DYM: variants seen among roughly 807,000 people sequenced by gnomAD.
The protein encoded by DYM is dyggve-Melchior-Clausen syndrome protein.
Under a neutral mutation model 93.1 loss-of-function variants are expected in DYM, and 78 were observed. That is an observed-to-expected ratio of 0.84 (90% CI 0.70 to 1.01). The LOEUF is 1.01. Among genes scored for constraint, DYM ranks in the 50% least tolerant of loss-of-function variants. The probability of loss-of-function intolerance (pLI) is 0.00; values close to 1 mark genes in which losing one functional copy is unlikely to be tolerated. For synonymous variants in DYM, 321 were observed against 319.7 expected (o/e 1.00, Z -0.04); for missense variants, 789 against 845.0 (o/e 0.93, Z 0.82).
intron 15 of DYM, among the ~76,000 whole-genome samples, chr18:49,140,070 A>G (rs1165327779): frequency 1.3e-5 from 2 of 152,222 alleles, no homozygotes; most frequent in African/African-American, 4.8e-5. Context: ...TTCAAAAAAT[A>G]AATGACTTGA....
At chr18:49,185,721 C>A (rs1194925669) in intron 14 of DYM, among the ~76,000 whole-genome samples, 1 of 152,160 alleles carries the variant, frequency 6.6e-6, no homozygotes, top group African/African-American at 2.4e-5. Context: ...TTTGCGTGTA[C>A]ACATGGCCTC....
intron 14 of DYM, among the ~76,000 whole-genome samples, chr18:49,169,952 A>G (rs890011675): frequency 2.0e-5 from 3 of 152,166 alleles, no homozygotes; most frequent in African/African-American, 7.2e-5. Context: ...GACAGCATGG[A>G]GCGGGAAAGA....
intron 8 of DYM, among the ~76,000 whole-genome samples, chr18:49,302,765 G>A (rs1325120408): frequency 6.7e-6 from 1 of 150,144 alleles, no homozygotes; most frequent in East Asian, 2.2e-4. Flanking sequence ...AAGGAGTTAA[G>A]TCCCTTACTC....
intron 17 of DYM, among the ~76,000 whole-genome samples, chr18:49,067,209 A>ATT (rs2076482558): frequency 1.5e-4 from 1 of 6,610 alleles, no homozygotes; most frequent in African/African-American, 5.1e-4. Flanking sequence ...GGGTGATGTG[A>ATT]GCACTATGCA....
At chr18:49,217,978 A>G (rs2143895155) in intron 13 of DYM, among the ~76,000 whole-genome samples, 1 of 152,304 alleles carries the variant, frequency 6.6e-6, no homozygotes, top group Admixed American at 6.5e-5. Flanking sequence ...TAAACGGTCA[A>G]GACCCATCAG....
chr18:49,216,530 C>T (rs2093056339), intron 13 of DYM, among the ~76,000 whole-genome samples: 3 of 152,152 alleles, frequency 2.0e-5, no homozygotes, highest in African/African-American at 4.8e-5. Context: ...ACATCTCACA[C>T]GGCCGGGTAC....
At chr18:49,448,818 C>T (rs1242506060) in intron 1 of DYM, among the ~76,000 whole-genome samples, 1 of 152,216 alleles carries the variant, frequency 6.6e-6, no homozygotes, top group Admixed American at 6.5e-5. Context: ...AAAAGCAGCT[C>T]ATTTTCTTTT....
At chr18:49,382,941 T>C (rs1220710912) in intron 3 of DYM, among the ~76,000 whole-genome samples, 2 of 152,138 alleles carry the variant, frequency 1.3e-5, no homozygotes, top group African/African-American at 4.8e-5. Flanking sequence ...AAACAAACTT[T>C]TCTAAGATCT....
At chr18:49,215,835 G>A (rs1413098014) in intron 13 of DYM, among the ~76,000 whole-genome samples, 1 of 152,232 alleles carries the variant, frequency 6.6e-6, no homozygotes, top group Non-Finnish European at 1.5e-5. Flanking sequence ...CAGAAGACGG[G>A]TGATTTCTGC....
chr18:49,362,814 C>T (rs2066152669), intron 6 of DYM, among the ~76,000 whole-genome samples: 1 of 152,194 alleles, frequency 6.6e-6, no homozygotes, highest in Non-Finnish European at 1.5e-5. Context: ...ATAAGGAGAA[C>T]TCAACTCACT....
chr18:49,201,889 T>C (rs1243269935), intron 14 of DYM, among the ~76,000 whole-genome samples: 1 of 152,228 alleles, frequency 6.6e-6, no homozygotes, highest in Admixed American at 6.5e-5. Context: ...TTTTTCCCAA[T>C]GGTATTATTT....
chr18:49,097,500 T>C lies in DYM; in HGVS notation c.1927A>G (p.Ser643Gly), dbSNP rs368200347. ...QNIDLVISFF[S>G]SRLLQAGAEL... ...GCTCCAGCTTGCAGCAACCTTGAGCTAAAGAAGGAGATCACCTGTAATGTA... is the reference window on the plus strand; with the variant it reads ...GCTCCAGCTTGCAGCAACCTTGAGCCAAAGAAGGAGATCACCTGTAATGTA... The change falls in exon 17 of 18, where the codon AGC (serine) becomes GGC (glycine). Residue 643 changes from serine to glycine, a missense_variant. Ser to Gly is a moderately conservative substitution (Grantham distance 56). Around this residue, in one of 3 missense-constraint regions of DYM, gnomAD observed 114 missense variants for 105.8 expected, o/e 1.08. Coordinates refer to ENST00000675505, the MANE Select transcript of DYM (RefSeq NM_001353214.3). 1.2e-6 allele frequency: 2 copies of C among 1,613,966 alleles called. No individual in the cohort carries two copies. The highest frequency in any genetic ancestry group is 2.7e-5 in the African/African-American group (2 of 75,040).
At chr18:49,184,341 C>A (rs1251038780) in intron 14 of DYM, among the ~76,000 whole-genome samples, 1 of 151,884 alleles carries the variant, frequency 6.6e-6, no homozygotes, top group Non-Finnish European at 1.5e-5. Flanking sequence ...ACAACTCACT[C>A]CCAACTAAGA....
chr18:49,158,046 A>G (rs1302960214), intron 15 of DYM, among the ~76,000 whole-genome samples: 1 of 152,178 alleles, frequency 6.6e-6, no homozygotes, highest in Non-Finnish European at 1.5e-5. Context: ...TTTCACTTTC[A>G]TGCCCTCTTT....
intron 6 of DYM, among the ~76,000 whole-genome samples, chr18:49,352,636 CAT>C (rs1279592472): frequency 2.0e-5 from 3 of 152,094 alleles, no homozygotes; most frequent in African/African-American, 7.2e-5. Flanking sequence ...TGTCAAAACT[CAT>C]AGAACTGAAC....
chr18:49,243,824 G>A (rs1439803028), intron 13 of DYM, among the ~76,000 whole-genome samples: 7 of 152,062 alleles, frequency 4.6e-5, no homozygotes, highest in African/African-American at 7.2e-5. Flanking sequence ...ATTGGCTTAT[G>A]TACTCAGATA....
chr18:49,056,517 T>C (rs546204972), intron 17 of DYM, among the ~76,000 whole-genome samples: 27 of 152,296 alleles, frequency 1.8e-4, no homozygotes, highest in Non-Finnish European at 3.5e-4. Context: ...TTCTTTTTCA[T>C]TCATGATTCC....
intron 6 of DYM, among the ~76,000 whole-genome samples, chr18:49,358,304 G>C (rs2147274916): frequency 6.6e-6 from 1 of 152,256 alleles, no homozygotes; most frequent in East Asian, 1.9e-4. Flanking sequence ...GCTTGAAGGT[G>C]GTCAGAACGT....
chr18:49,279,220 A>G lies in DYM; in HGVS notation c.1125+2777T>C, dbSNP rs571498155. Among the ~76,000 whole-genome samples the G allele has an allele frequency of 2.6e-5, 4 of 152,324 alleles. No individual in the cohort carries two copies. The South Asian group carries it at 6.2e-4, about 24-fold the overall frequency. Reference sequence around the variant, plus strand: ...CAGTAGTGAGTCAGACCATCAATAGAAAGAATCCAAGTTAGCCAACACCTG... The same window carrying G: ...CAGTAGTGAGTCAGACCATCAATAGGAAGAATCCAAGTTAGCCAACACCTG... On this transcript the variant is annotated intron_variant, in intron 10 of 17. Coordinates refer to ENST00000675505, the MANE Select transcript of DYM (RefSeq NM_001353214.3).
Sources: gnomAD v4.1 joint callset for allele counts (sites outside exome capture counted in the v4.1 genomes callset) on GRCh38, gnomAD v4.1.1 for gene constraint, gnomAD v4.1.1 regional missense constraint, MANE v1.5 for transcripts, NCBI Gene and HGNC (gene_info 2026-07-23, HGNC 2026-07-21) for gene names.